Variants in SPAG17 observed in about 807,000 individuals in gnomAD.
SPAG17 encodes the protein sperm-associated antigen 17.
Under a neutral mutation model 273.6 loss-of-function variants are expected in SPAG17, and 169 were observed. The observed-to-expected ratio is 0.62, with a 90% CI of 0.55 to 0.70. The LOEUF is 0.70. Among genes scored for constraint, SPAG17 ranks in the 30% least tolerant of loss-of-function variants. The pLI is 0.00. For missense variants in SPAG17, 2,557 were observed against 2,627.8 expected, an observed-to-expected ratio of 0.97 and a Z score of 0.59; for synonymous variants, 825 against 873.2, an observed-to-expected ratio of 0.94 and a Z score of 0.97.
intron 47 of SPAG17, chr1:117,964,189 C>T (rs548217648): frequency 5.2e-5 from 17 of 328,908 alleles, no homozygotes; most frequent in Middle Eastern, 9.0e-4. Context: ...CTATAAGGAG[C>T]CATCAGTATG....
intron 24 of SPAG17, among the ~76,000 whole-genome samples, chr1:118,032,483 T>A (rs1648587277): frequency 6.6e-6 from 1 of 152,118 alleles, no homozygotes; most frequent in Non-Finnish European, 1.5e-5. Context: ...TTTATTTTCC[T>A]CTAGGTTCCA....
intron 34 of SPAG17, among the ~76,000 whole-genome samples, chr1:117,994,766 A>G (rs1423519989): frequency 2.0e-5 from 3 of 152,096 alleles, no homozygotes; most frequent in Non-Finnish European, 4.4e-5. Flanking sequence ...TTGACACCTC[A>G]TCGTCCCTCA....
At chr1:118,130,456 A>G (rs1202670782) in intron 3 of SPAG17, among the ~76,000 whole-genome samples, 2 of 152,160 alleles carry the variant, frequency 1.3e-5, no homozygotes, top group East Asian at 1.9e-4. Context: ...GGGGTGACCA[A>G]CTCTGGGGTT....
At chr1:118,121,785 G>T (rs1657437050) in intron 3 of SPAG17, among the ~76,000 whole-genome samples, 1 of 152,156 alleles carries the variant, frequency 6.6e-6, no homozygotes, top group Admixed American at 6.5e-5. Context: ...TGTTTATTCA[G>T]ATTATTAAAA....
intron 18 of SPAG17, among the ~76,000 whole-genome samples, chr1:118,057,955 T>C (rs547318767): frequency 3.3e-5 from 5 of 151,984 alleles, no homozygotes; most frequent in African/African-American, 1.2e-4. Context: ...ATGAATAGAA[T>C]GTATAACTTT....
chr1:118,042,665 G>T (rs981433315), intron 20 of SPAG17, among the ~76,000 whole-genome samples: 1 of 152,102 alleles, frequency 6.6e-6, no homozygotes, highest in Admixed American at 6.5e-5. Flanking sequence ...CTTCAGTTAT[G>T]ACAGGAAATA....
intron 17 of SPAG17, among the ~76,000 whole-genome samples, chr1:118,069,336 C>A (rs1571401420): frequency 3.3e-5 from 1 of 30,304 alleles, no homozygotes; most frequent in East Asian, 5.7e-4. Flanking sequence ...CAGAGTGAGA[C>A]TCCGTCTCAA....
At chr1:118,043,765 G>A (rs1650036291) in intron 20 of SPAG17, among the ~76,000 whole-genome samples, 1 of 152,146 alleles carries the variant, frequency 6.6e-6, no homozygotes, top group Admixed American at 6.6e-5. Context: ...CTGTTATATT[G>A]TTACTAGCAC....
chr1:118,017,250 T>C (rs1447465794), intron 28 of SPAG17, among the ~76,000 whole-genome samples: 2 of 152,182 alleles, frequency 1.3e-5, no homozygotes, highest in Non-Finnish European at 2.9e-5. Flanking sequence ...AGGAATTATC[T>C]TTTTTTCTAT....
intron 37 of SPAG17, 129 bp from the exon 38 acceptor site, chr1:117,991,035 T>C (rs1283628341): frequency 4.1e-6 from 2 of 485,398 alleles, no homozygotes; most frequent in Admixed American, 3.6e-5. Context: ...AATACTGATA[T>C]AAAATTAATT....
intron 42 of SPAG17, among the ~76,000 whole-genome samples, chr1:117,982,997 G>C (rs1314525052): frequency 1.3e-5 from 2 of 152,124 alleles, no homozygotes; most frequent in African/African-American, 4.8e-5. Context: ...ATTCTCTATA[G>C]GATTGTATTA....
At chr1:117,958,030 C>A (rs1652475122) in intron 48 of SPAG17, among the ~76,000 whole-genome samples, 2 of 152,158 alleles carry the variant, frequency 1.3e-5, no homozygotes, top group African/African-American at 2.4e-5. Context: ...GCTTGATATT[C>A]TTCTCATCTC....
chr1:117,982,972 G>A (rs566947876), intron 42 of SPAG17, among the ~76,000 whole-genome samples: 1 of 152,214 alleles, frequency 6.6e-6, no homozygotes, highest in East Asian at 1.9e-4. Flanking sequence ...TTCTGGATAA[G>A]GATTTTTGGC....
intron 43 of SPAG17, among the ~76,000 whole-genome samples, chr1:117,979,896 A>G (rs2101579762): frequency 6.6e-6 from 1 of 152,236 alleles, no homozygotes; most frequent in African/African-American, 2.4e-5. Flanking sequence ...CTCCTAATGG[A>G]ATGTTGCCCC....
At chr1:117,964,004 C>A in intron 47 of SPAG17, 66 bp from the exon 48 acceptor site, 3 of 1,516,062 alleles carry the variant, frequency 2.0e-6, no homozygotes, top group Non-Finnish European at 1.8e-6. Context: ...ACCTAAATAA[C>A]ATTTTAGAAT....
chr1:118,037,713 G>A (rs772228826), intron 23 of SPAG17, among the ~76,000 whole-genome samples: 8 of 152,136 alleles, frequency 5.3e-5, no homozygotes, highest in Non-Finnish European at 1.2e-4. Flanking sequence ...TCCGTAGTGT[G>A]TATGTACCAC....
chr1:118,051,985 TTATG>T (rs1044645372), intron 20 of SPAG17, among the ~76,000 whole-genome samples: 13 of 138,416 alleles, frequency 9.4e-5, no homozygotes, highest in Admixed American at 5.9e-4. Flanking sequence ...ACATTATGTA[TTATG>T]TATGTATATA....
intron 1 of SPAG17, among the ~76,000 whole-genome samples, chr1:118,170,683 G>C (rs1660381155): frequency 6.6e-6 from 1 of 152,104 alleles, no homozygotes; most frequent in African/African-American, 2.4e-5. Flanking sequence ...TCTCAGAGCG[G>C]GTAAGAAAGA....
At chr1:118,077,505 G>A (rs1654199178) in intron 15 of SPAG17, among the ~76,000 whole-genome samples, 1 of 152,006 alleles carries the variant, frequency 6.6e-6, no homozygotes. Context: ...GGTGGCAAAA[G>A]TTGCCTAAGG....
Sources: allele counts gnomAD v4.1 joint callset (sites outside exome capture counted in the v4.1 genomes callset), GRCh38; gene constraint gnomAD v4.1.1; transcripts MANE v1.5; gene names NCBI Gene and HGNC (gene_info 2026-07-23, HGNC 2026-07-21).